STRN: variants seen among roughly 807,000 people sequenced by gnomAD.
STRN encodes the protein protein phosphatase 2 regulatory subunit B'''alpha.
In STRN, 53 loss-of-function variants were observed where a neutral mutation model predicts 96.3. The ratio of observed to expected loss-of-function variants is 0.55; its 90% confidence interval spans 0.44 to 0.69. The LOEUF (loss-of-function observed/expected upper bound fraction) is 0.69. STRN is among the 30% of genes least tolerant of loss of function. The probability of loss-of-function intolerance (pLI) is 0.00; values close to 1 mark genes in which losing one functional copy is unlikely to be tolerated. For synonymous variants in STRN, 428 were observed against 355.9 expected (o/e 1.20, Z -2.28); for missense variants, 987 against 963.9 (o/e 1.02, Z -0.32).
intron 2 of STRN, among the ~76,000 whole-genome samples, chr2:36,918,715 A>T (rs1166361881): frequency 6.6e-6 from 1 of 152,194 alleles, no homozygotes; most frequent in Non-Finnish European, 1.5e-5. Context: ...CTGAATTGTT[A>T]CATTCACTAA....
At position 36,966,216 on chromosome 2, in the gene STRN, G is replaced by C. The variant is rs1180796115; in HGVS notation, c.234+14C>G. The C allele has an allele frequency of 3.9e-6, 6 of 1,548,718 alleles. No individual in the cohort carries two copies. The highest frequency in any genetic ancestry group is 5.2e-5 in the East Asian group (2 of 38,510). On this transcript the variant is annotated intron_variant, in intron 1 of 17. Coordinates refer to ENST00000263918, the MANE Select transcript of STRN (RefSeq NM_003162.4). ...GAGGCGGGATGAAGACGGCCAGGCC[G>C]GGAGGGTCTTTACCTGCAGCTCCGC...
chr2:36,898,564 GATC>G (rs1171031037), intron 6 of STRN, among the ~76,000 whole-genome samples: 1 of 152,202 alleles, frequency 6.6e-6, no homozygotes, highest in Non-Finnish European at 1.5e-5. Flanking sequence ...TAGTTAAACA[GATC>G]ATTTTCGCAC....
intron 4 of STRN, among the ~76,000 whole-genome samples, chr2:36,905,130 C>T (rs918191081): frequency 2.0e-5 from 3 of 151,952 alleles, no homozygotes; most frequent in Non-Finnish European, 2.9e-5. Flanking sequence ...CCACCACGCC[C>T]GGCTAATTTT....
At chr2:36,866,687 A>G (rs762276872) in intron 12 of STRN, among the ~76,000 whole-genome samples, 22 of 152,120 alleles carry the variant, frequency 1.4e-4, no homozygotes, top group Non-Finnish European at 2.5e-4. Context: ...AGTCTCTAAG[A>G]ATTTATTAAT....
At chr2:36,953,130 G>C (rs949542014) in intron 1 of STRN, among the ~76,000 whole-genome samples, 3 of 152,026 alleles carry the variant, frequency 2.0e-5, no homozygotes, top group African/African-American at 7.2e-5. Flanking sequence ...ACATTCCCCC[G>C]GCCCTTTCCT....
At chr2:36,944,101 C>A (rs1385245718) in intron 1 of STRN, among the ~76,000 whole-genome samples, 2 of 152,176 alleles carry the variant, frequency 1.3e-5, no homozygotes, top group East Asian at 1.9e-4. Context: ...ACCTGGGCAA[C>A]AAGAGTGAAA....
chr2:36,883,898 G>C (rs369737415), intron 9 of STRN, 34 bp downstream of exon 9: 1 of 1,316,918 alleles, frequency 7.6e-7, no homozygotes, highest in Non-Finnish European at 9.8e-7. Context: ...ACATCCAAGT[G>C]CATTTTGTGC....
chr2:36,861,232 T>C lies in STRN; in HGVS notation c.1569A>G (p.Val523=). ...RAHKGPVLCV[V]MSSNGEQCYS... ...AACACTGCTCACCATTGCTGCTCAT[T>C]ACCACACAAAGCACTGGACCTCTGG... The change falls in exon 13 of 18, where the codon GTA becomes GTG. Residue 523 remains valine, a synonymous_variant. Transcript: ENST00000263918. 1 of 1,613,918 alleles carries C rather than the reference T, an allele frequency of 6.2e-7. No individual in the cohort carries two copies. Among genetic ancestry groups the C allele is most frequent in the South Asian group, 1.1e-5 (1 of 91,040 alleles).
chr2:36,909,157 CAAAA>C (rs78134786), intron 3 of STRN, among the ~76,000 whole-genome samples: 1 of 74,076 alleles, frequency 1.3e-5, no homozygotes, highest in Admixed American at 1.5e-4. Flanking sequence ...GACTTCATCT[CAAAA>C]AAAAAAAAAA....
At chr2:36,888,637 A>ATG (rs747639409) in intron 7 of STRN, among the ~76,000 whole-genome samples, 137 of 70,242 alleles carry the variant, frequency 2.0e-3, no homozygotes, top group African/African-American at 4.6e-3. Flanking sequence ...TTTTTAATTT[A>ATG]TATGTGTGTG....
chr2:36,862,433 A>C (rs1210508598), intron 12 of STRN, among the ~76,000 whole-genome samples: 1 of 152,142 alleles, frequency 6.6e-6, no homozygotes. Flanking sequence ...ACCTTTTAAT[A>C]ACAGCCATTC....
At chr2:36,946,535 G>A (rs866555212) in intron 1 of STRN, among the ~76,000 whole-genome samples, 6 of 152,262 alleles carry the variant, frequency 3.9e-5, no homozygotes, top group Middle Eastern at 3.4e-3. Context: ...TATTACCAAG[G>A]TAAGCGCAAG....
rs1431509901 is a variant in STRN, at chr2:36,920,401, G to A, written c.339-4250C>T. ...CACCTGTAATCCCAACACTTTGGGA[G>A]GCCGAGGTGGGCAGATCACCTGAGG... On this transcript the variant is annotated intron_variant, in intron 2 of 17. Transcript: ENST00000263918. 3.3e-5 allele frequency among the ~76,000 whole-genome samples: 5 copies of A among 152,200 alleles called. No individual in the cohort carries two copies. In the East Asian group the frequency reaches 9.7e-4, roughly 29 times the overall value.
At chr2:36,966,198 G>A (rs1267801998) in intron 1 of STRN, 32 bp downstream of exon 1, 3 of 1,514,948 alleles carry the variant, frequency 2.0e-6, no homozygotes, top group Admixed American at 2.1e-5. Flanking sequence ...AAAGAGGCGG[G>A]ATGAAGACGG....
intron 6 of STRN, among the ~76,000 whole-genome samples, chr2:36,899,087 G>A (rs1669617009): frequency 6.6e-6 from 1 of 152,122 alleles, no homozygotes; most frequent in South Asian, 2.1e-4. Context: ...CAATTTTGAA[G>A]AACTCTAATG....
At chr2:36,956,714 G>A (rs1470308789) in intron 1 of STRN, among the ~76,000 whole-genome samples, 1 of 152,126 alleles carries the variant, frequency 6.6e-6, no homozygotes, top group South Asian at 2.1e-4. Flanking sequence ...AAAACTGTAG[G>A]TCTCCCTTTA....
intron 7 of STRN, among the ~76,000 whole-genome samples, chr2:36,892,408 CA>C (rs1483342649): frequency 6.6e-6 from 1 of 151,402 alleles, no homozygotes; most frequent in Non-Finnish European, 1.5e-5. Context: ...AATGTACTCC[CA>C]AAACTGAAAG....
intron 3 of STRN, among the ~76,000 whole-genome samples, chr2:36,908,943 T>C (rs1253089628): frequency 6.6e-6 from 1 of 151,200 alleles, no homozygotes; most frequent in Non-Finnish European, 1.5e-5. Flanking sequence ...ATCACATCAC[T>C]ACACTCCAGC....
chr2:36,849,515 G>A lies in STRN; in HGVS notation c.2284C>T (p.Pro762Ser). 1 of 1,614,100 alleles carries A rather than the reference G, an allele frequency of 6.2e-7. No homozygotes were observed. The highest frequency in any genetic ancestry group is 8.5e-7 in the Non-Finnish European group (1 of 1,179,990). ...EESIHDVAFHPSKCYIASAGA... is the reference protein window; with the variant it reads ...EESIHDVAFHSSKCYIASAGA... ...GCACTGGCTATATAGCATTTGGATG[G>A]GTGGAAAGCTACATCATGAATCGAT... Residue 762 changes from proline to serine, a missense_variant, in exon 18 of 18, where the codon CCA becomes TCA. Physicochemically the swap from Pro to Ser is moderately conservative, Grantham distance 74. Coordinates refer to ENST00000263918, the MANE Select transcript of STRN (RefSeq NM_003162.4).
Sources: gnomAD v4.1 joint callset for allele counts (sites outside exome capture counted in the v4.1 genomes callset) on GRCh38, gnomAD v4.1.1 for gene constraint, MANE v1.5 for transcripts, NCBI Gene and HGNC (gene_info 2026-07-23, HGNC 2026-07-21) for gene names.